Variants in LMNB1 observed in about 807,000 individuals in gnomAD.
The protein encoded by LMNB1 is lamin-B1.
LMNB1 carries 23 observed loss-of-function variants against 67.1 expected under a neutral mutation model. That is an observed-to-expected ratio of 0.34 (90% CI 0.25 to 0.49). The LOEUF (loss-of-function observed/expected upper bound fraction) is 0.49, where lower values mean the gene tolerates loss of function less well. Ranked by LOEUF, LMNB1 falls within the 20% of genes least tolerant of loss-of-function variation. The pLI, the probability that LMNB1 is intolerant of heterozygous loss-of-function variation, is 0.99. For synonymous variants in LMNB1, 281 were observed against 282.9 expected (o/e 0.99, Z 0.07); for missense variants, 634 against 746.5 (o/e 0.85, Z 1.76).
At chr5:126,797,455 A>G (rs1751133412) in intron 1 of LMNB1, among the ~76,000 whole-genome samples, 1 of 152,206 alleles carries the variant, frequency 6.6e-6, no homozygotes, top group Non-Finnish European at 1.5e-5. Flanking sequence ...AATGGACTCA[A>G]AGTAAATGTA....
chr5:126,826,022 C>G lies in LMNB1; in HGVS notation c.1526C>G (p.Pro509Arg). 6.2e-7 allele frequency: 1 copy of G among 1,613,828 alleles called. No homozygotes were observed. The highest frequency in any genetic ancestry group is 2.2e-5 in the East Asian group (1 of 44,882). The change falls in exon 9 of 11, where the codon CCC (proline) becomes CGC (arginine). Residue 509 changes from proline (P) to arginine (R), a missense_variant. Transcript: ENST00000261366. ...GCAAACGCTGGTGTCACAGCCAGCC[C>G]CCCAACTGACCTCATCTGGAAGAAC... ...WAANAGVTAS[P>R]PTDLIWKNQN...
At chr5:126,823,495 CAA>C (rs1255045247) in intron 8 of LMNB1, among the ~76,000 whole-genome samples, 1 of 152,066 alleles carries the variant, frequency 6.6e-6, no homozygotes, top group Non-Finnish European at 1.5e-5. Context: ...ATTGAGTAAT[CAA>C]AGATTCTTTT....
rs564591100 is a variant in LMNB1, at chr5:126,822,237, G to A, written c.1387-544G>A. On this transcript the variant is annotated intron_variant, in intron 7 of 10. Transcript: ENST00000261366. ...ACTCCTGACCTCAGGTGATCCACCC[G>A]CCTTGGCCTCCTAAAGTGCTGGGAT... 1.5e-4 allele frequency among the ~76,000 whole-genome samples: 23 copies of A among 152,232 alleles called. No individual in the cohort carries two copies. The South Asian group carries it at 3.1e-3, about 21-fold the overall frequency.
intron 4 of LMNB1, among the ~76,000 whole-genome samples, chr5:126,810,930 T>C (rs923627306): frequency 6.6e-6 from 1 of 152,266 alleles, no homozygotes. Flanking sequence ...GTACAGGCTT[T>C]CCCTGGTAAA....
chr5:126,799,744 G>C (rs1348025813), intron 1 of LMNB1, among the ~76,000 whole-genome samples: 1 of 152,228 alleles, frequency 6.6e-6, no homozygotes, highest in Non-Finnish European at 1.5e-5. Flanking sequence ...CCTGGACTGA[G>C]CCTTTCCGCA....
intron 1 of LMNB1, among the ~76,000 whole-genome samples, chr5:126,779,966 A>G (rs1303199910): frequency 6.6e-6 from 1 of 150,600 alleles, no homozygotes; most frequent in African/African-American, 2.5e-5. Flanking sequence ...CAGGAGGCGG[A>G]TATTGCAGTG....
intron 1 of LMNB1, among the ~76,000 whole-genome samples, chr5:126,795,175 C>T (rs574104296): frequency 6.8e-6 from 1 of 146,626 alleles, no homozygotes; most frequent in African/African-American, 2.5e-5. Context: ...TTGCCCAGAG[C>T]GACAGTGGCT....
In LMNB1 at chr5:126,822,987, G is replaced by A. The variant is rs1027676726; in HGVS notation, c.1491+102G>A. ...AAAGAGAAGCATTTTAGAAATGGCC[G>A]TTAAAGTACTTTTTATATTATTAGG... On this transcript the variant is annotated intron_variant, in intron 8 of 10. Coordinates refer to ENST00000261366, the MANE Select transcript of LMNB1 (RefSeq NM_005573.4). 34 of 706,756 alleles carry A rather than the reference G, an allele frequency of 4.8e-5. 1 individual carries two copies. Among genetic ancestry groups the A allele is most frequent in the Non-Finnish European group, 6.2e-5 (25 of 405,998 alleles). 43.8% of individuals were successfully genotyped at this position (706,756 alleles called of 1,614,324 possible). A position where few individuals can be genotyped will look rare whatever the true frequency, so the allele number is the denominator to read the frequency against.
At chr5:126,789,190 G>A (rs1750888097) in intron 1 of LMNB1, among the ~76,000 whole-genome samples, 1 of 151,920 alleles carries the variant, frequency 6.6e-6, no homozygotes, top group Admixed American at 6.6e-5. Context: ...TCTGGCGGGA[G>A]GGAGGCATTC....
intron 1 of LMNB1, among the ~76,000 whole-genome samples, chr5:126,779,349 A>C (rs1328611791): frequency 2.0e-5 from 3 of 152,242 alleles, no homozygotes; most frequent in Admixed American, 6.5e-5. Flanking sequence ...ACTCGAAAAT[A>C]ATACTAAGCT....
At chr5:126,787,546 A>ATATATATTTTTTTTTTTTTTTTTTTT in intron 1 of LMNB1, among the ~76,000 whole-genome samples, 1 of 65,580 alleles carries the variant, frequency 1.5e-5, no homozygotes, top group Non-Finnish European at 2.7e-5. Context: ...ATATATATAT[A>ATATATATTTTTTTTTTTTTTTTTTTT]TTTTTTTTTT....
In LMNB1 at chr5:126,777,463, C is replaced by A. The variant is rs755197089; in HGVS notation, c.-46C>A. On this transcript the variant is annotated 5_prime_UTR_variant, in exon 1 of 11. Coordinates refer to ENST00000261366, the MANE Select transcript of LMNB1 (RefSeq NM_005573.4). ...GCCCCCTGCCGTCCCCTCCTTATCA[C>A]GGTCCCGCTCGCGGCCTCGCCGCCC... 7.7e-7 allele frequency: 1 copy of A among 1,293,864 alleles called. No homozygotes were observed. Among genetic ancestry groups the A allele is most frequent in the Non-Finnish European group, 9.8e-7 (1 of 1,025,418 alleles). The allele number at this position is 1,293,864 out of a possible 1,614,324, so 80.1% of individuals were successfully genotyped here.
rs776297604 is a variant in LMNB1, at chr5:126,777,543, G to A, written c.35G>A (p.Gly12Asp). 8 of 1,435,456 alleles carry A rather than the reference G, an allele frequency of 5.6e-6. No homozygotes were observed. Among genetic ancestry groups the A allele is most frequent in the Non-Finnish European group, 7.3e-6 (8 of 1,090,960 alleles). The allele number at this position is 1,435,456 out of a possible 1,614,324, so 88.9% of individuals were successfully genotyped here. A position where few individuals can be genotyped will look rare whatever the true frequency, so the allele number is the denominator to read the frequency against. The change falls in exon 1 of 11, where the codon GGC (glycine) becomes GAC (aspartate). Residue 12 changes from glycine (G) to aspartate (D), a missense_variant. Coordinates refer to ENST00000261366, the MANE Select transcript of LMNB1 (RefSeq NM_005573.4). ...GCGACCCCCGTGCCGCCGCGGATGG[G>A]CAGCCGCGCTGGCGGCCCCACCACG... ...ATATPVPPRM[G>D]SRAGGPTTPL...
intron 1 of LMNB1, among the ~76,000 whole-genome samples, chr5:126,793,217 T>A (rs1269857279): frequency 6.6e-6 from 1 of 152,152 alleles, no homozygotes; most frequent in Non-Finnish European, 1.5e-5. Context: ...ACAAAGGTAG[T>A]AGTTATTGGT....
intron 1 of LMNB1, among the ~76,000 whole-genome samples, chr5:126,795,234 C>G (rs1391765374): frequency 6.6e-6 from 1 of 151,472 alleles, no homozygotes; most frequent in Non-Finnish European, 1.5e-5. Flanking sequence ...ACCTCCCTGG[C>G]CCAAGCAATC....
At chr5:126,824,276 TTAAAG>T (rs1751936662) in intron 8 of LMNB1, among the ~76,000 whole-genome samples, 1 of 152,222 alleles carries the variant, frequency 6.6e-6, no homozygotes, top group Non-Finnish European at 1.5e-5. Context: ...TATAGCCGCA[TTAAAG>T]TAAAAAAGAA....
At chr5:126,788,275 A>G (rs769744060) in intron 1 of LMNB1, among the ~76,000 whole-genome samples, 7 of 151,624 alleles carry the variant, frequency 4.6e-5, no homozygotes, top group Admixed American at 1.3e-4. Flanking sequence ...AGTACTCAAG[A>G]GACATGGAAA....
intron 5 of LMNB1, among the ~76,000 whole-genome samples, chr5:126,817,164 C>T (rs1751732236): frequency 6.6e-6 from 1 of 152,170 alleles, no homozygotes; most frequent in Non-Finnish European, 1.5e-5. Context: ...GCAGTATTTA[C>T]TTTTTTGGCT....
intron 1 of LMNB1, among the ~76,000 whole-genome samples, chr5:126,785,811 C>T (rs537264313): frequency 4.6e-5 from 7 of 151,906 alleles, no homozygotes; most frequent in Non-Finnish European, 1.0e-4. Flanking sequence ...GTCAGCAGTT[C>T]GAGACCAGCC....
Sources: gnomAD v4.1 joint callset for allele counts (sites outside exome capture counted in the v4.1 genomes callset) on GRCh38, gnomAD v4.1.1 for gene constraint, MANE v1.5 for transcripts, NCBI Gene and HGNC (gene_info 2026-07-23, HGNC 2026-07-21) for gene names.